The following TRIM69 variants were observed in gnomAD, a reference collection of about 807,000 sequenced individuals.
TRIM69 encodes the protein E3 ubiquitin-protein ligase TRIM69.
TRIM69 carries 29 observed loss-of-function variants against 37.7 expected under a neutral mutation model. That is an observed-to-expected ratio of 0.77 (90% CI 0.57 to 1.05). TRIM69 has a LOEUF of 1.05. TRIM69 is among the 50% of genes least tolerant of loss of function. The probability of loss-of-function intolerance (pLI) is 0.00; values close to 1 mark genes in which losing one functional copy is unlikely to be tolerated. For missense variants in TRIM69, 596 were observed against 579.9 expected (o/e 1.03, Z -0.28); for synonymous variants, 209 against 212.4 (o/e 0.98, Z 0.14).
chr15:44,745,221 G>A (rs546263869), intron 1 of TRIM69, among the ~76,000 whole-genome samples: 2 of 152,032 alleles, frequency 1.3e-5, no homozygotes, highest in Admixed American at 6.5e-5. Context: ...CAAAGACTGG[G>A]AGGTTTTTGT....
At chr15:44,755,502 A>G (rs1387797646) in intron 2 of TRIM69, 126 bp downstream of exon 2, 5 of 724,492 alleles carry the variant, frequency 6.9e-6, no homozygotes, top group Non-Finnish European at 1.1e-5. Flanking sequence ...GACTGCTCAG[A>G]AAGTACAACG....
chr15:44,741,993 A>C (rs1028102458), intron 1 of TRIM69, among the ~76,000 whole-genome samples: 1 of 152,220 alleles, frequency 6.6e-6, no homozygotes, highest in African/African-American at 2.4e-5. Flanking sequence ...CTTATACCAA[A>C]GCCGGGCAGA....
intron 4 of TRIM69, 43 bp downstream of exon 4, chr15:44,758,897 A>T: frequency 6.4e-7 from 1 of 1,567,422 alleles, no homozygotes; most frequent in Non-Finnish European, 8.7e-7. Flanking sequence ...CTTCCTACCT[A>T]GAGGGGGGAA....
At chr15:44,737,648 C>G (rs1209291665) in intron 1 of TRIM69, among the ~76,000 whole-genome samples, 1 of 152,116 alleles carries the variant, frequency 6.6e-6, no homozygotes, top group Non-Finnish European at 1.5e-5. Flanking sequence ...TCCAAGAAGT[C>G]AGAAAGTTCA....
At chr15:44,759,079 A>G (rs1209108328) in intron 4 of TRIM69, among the ~76,000 whole-genome samples, 1 of 152,246 alleles carries the variant, frequency 6.6e-6, no homozygotes, top group Non-Finnish European at 1.5e-5. Flanking sequence ...TACGATTTTT[A>G]AATTCCATTA....
At chr15:44,766,008 G>A (rs1309285898) in intron 6 of TRIM69, among the ~76,000 whole-genome samples, 1 of 152,006 alleles carries the variant, frequency 6.6e-6, no homozygotes, top group Non-Finnish European at 1.5e-5. Flanking sequence ...ATTTAGTTTA[G>A]ATATTCTTTT....
At position 44,737,189 on chromosome 15, in the gene TRIM69, A is replaced by T. The variant is rs901991287; in HGVS notation, c.6+479A>T. 6.6e-5 allele frequency among the ~76,000 whole-genome samples: 10 copies of T among 152,222 alleles called. 1 individual carries two copies. Among genetic ancestry groups the T allele is most frequent in the Admixed American group, 5.9e-4 (9 of 15,276 alleles). ...AACTTAGTGTTTTCCTGATTGTCAA[A>T]CAAAAGAAAATGGTTATTTACTACA... On this transcript the variant is annotated intron_variant, in intron 1 of 6. Coordinates refer to ENST00000329464, the MANE Select transcript of TRIM69 (RefSeq NM_182985.5).
chr15:44,741,240 C>T (rs1166828448), intron 1 of TRIM69, among the ~76,000 whole-genome samples: 273 of 141,906 alleles, frequency 1.9e-3, no homozygotes, highest in South Asian at 4.9e-3. Flanking sequence ...AAAATGAAGG[C>T]AGAAATAAAG....
intron 2 of TRIM69, 74 bp downstream of exon 2, chr15:44,755,450 T>C (rs933504635): frequency 1.9e-6 from 2 of 1,047,166 alleles, no homozygotes; most frequent in African/African-American, 3.2e-5. Context: ...TCTTCTTTCT[T>C]CCAACCCCAT....
intron 6 of TRIM69, among the ~76,000 whole-genome samples, chr15:44,762,051 C>T (rs746545296): frequency 3.3e-5 from 5 of 152,008 alleles, no homozygotes; most frequent in East Asian, 1.9e-4. Context: ...CTGCAAGCTC[C>T]GCCTCCCAGG....
At chr15:44,738,187 T>C (rs1462025567) in intron 1 of TRIM69, among the ~76,000 whole-genome samples, 2 of 150,892 alleles carry the variant, frequency 1.3e-5, no homozygotes, top group Non-Finnish European at 2.9e-5. Context: ...GCATCCCAAA[T>C]AGCTGGGACT....
At chr15:44,741,008 T>C (rs1481053557) in intron 1 of TRIM69, among the ~76,000 whole-genome samples, 1 of 151,328 alleles carries the variant, frequency 6.6e-6, no homozygotes, top group South Asian at 2.1e-4. Flanking sequence ...ATCAACAGAA[T>C]ATACATTTTT....
intron 6 of TRIM69, among the ~76,000 whole-genome samples, chr15:44,762,969 G>T (rs2087809324): frequency 6.6e-6 from 1 of 152,076 alleles, no homozygotes; most frequent in Non-Finnish European, 1.5e-5. Flanking sequence ...AAACTGAGAA[G>T]ATAGTATAGA....
chr15:44,763,095 GATT>G (rs2087812737), intron 6 of TRIM69, among the ~76,000 whole-genome samples: 1 of 152,002 alleles, frequency 6.6e-6, no homozygotes, highest in African/African-American at 2.4e-5. Context: ...AGTTCCTTTA[GATT>G]TTCTTAGTTT....
chr15:44,767,716 T>C lies in TRIM69; in HGVS notation c.1447T>C (p.Cys483Arg), dbSNP rs2087933057. The C allele has an allele frequency of 6.2e-7, 1 of 1,613,938 alleles. No individual in the cohort carries two copies. The highest frequency in any genetic ancestry group is 1.1e-5 in the South Asian group (1 of 91,082). Residue 483 changes from cysteine (C) to arginine (R), a missense_variant, in exon 7 of 7, where the codon TGC becomes CGC. Cys to Arg is a radical substitution (Grantham distance 180). Transcript: ENST00000329464. ...GAAACTTTATCCCTACTTCTGCCCC[T>C]GCCTTAATGATGGTGGAGAGAATAA... is the stretch of plus-strand genomic sequence containing the variant. ...MEKLYPYFCPCLNDGGENKEP... is the reference protein window; with the variant it reads ...MEKLYPYFCPRLNDGGENKEP...
rs2087937087 is a variant in TRIM69 at position 44,767,811 on chromosome 15, G to A, written c.*39G>A. On this transcript the variant is annotated 3_prime_UTR_variant, in exon 7 of 7. Transcript: ENST00000329464. ...TATACAAATTCAGAGTGTTATTAAA[G>A]AGGTATTGAAATATTTTACCAGTCT... 1 of 1,546,894 alleles carries A rather than the reference G, an allele frequency of 6.5e-7. No individual in the cohort carries two copies. The highest frequency in any genetic ancestry group is 8.7e-7 in the Non-Finnish European group (1 of 1,148,372).
At chr15:44,750,788 G>A (rs1403325334) in intron 1 of TRIM69, among the ~76,000 whole-genome samples, 6 of 121,642 alleles carry the variant, frequency 4.9e-5, no homozygotes, top group Non-Finnish European at 7.9e-5. Context: ...GCAGTGGCGC[G>A]ATCTTGGCTC....
At chr15:44,738,885 C>G (rs2087218873) in intron 1 of TRIM69, among the ~76,000 whole-genome samples, 1 of 152,086 alleles carries the variant, frequency 6.6e-6, no homozygotes, top group Non-Finnish European at 1.5e-5. Context: ...TAAATATTAG[C>G]TAATATAATT....
At chr15:44,741,491 A>G (rs1455484524) in intron 1 of TRIM69, among the ~76,000 whole-genome samples, 3 of 152,228 alleles carry the variant, frequency 2.0e-5, no homozygotes, top group African/African-American at 4.8e-5. Context: ...GGAAAAAGAG[A>G]CACAATAAAC....
Sources: allele counts gnomAD v4.1 joint callset (sites outside exome capture counted in the v4.1 genomes callset), GRCh38; gene constraint gnomAD v4.1.1; transcripts MANE v1.5; gene names NCBI Gene and HGNC (gene_info 2026-07-23, HGNC 2026-07-21).